ZCCHC2: variants seen among roughly 807,000 people sequenced by gnomAD.
The protein encoded by ZCCHC2 is zinc finger CCHC domain-containing protein 2.
In ZCCHC2, 39 loss-of-function variants were observed where a neutral mutation model predicts 103.6. The ratio of observed to expected loss-of-function variants is 0.38; its 90% confidence interval spans 0.29 to 0.49. The LOEUF is 0.49. ZCCHC2 is among the 20% of genes least tolerant of loss of function. ZCCHC2 has a pLI of 0.96. For synonymous variants in ZCCHC2, 687 were observed against 608.9 expected, an observed-to-expected ratio of 1.13 and a Z score of -1.89; for missense variants, 1,483 against 1,491.0, an observed-to-expected ratio of 0.99 and a Z score of 0.09.
chr18:62,529,370 C>T (rs962753233), intron 1 of ZCCHC2, among the ~76,000 whole-genome samples: 6 of 152,086 alleles, frequency 3.9e-5, no homozygotes, highest in African/African-American at 1.4e-4. Flanking sequence ...GAGTCCTTAA[C>T]TTGTAGCATA....
At chr18:62,560,557 T>C in intron 7 of ZCCHC2, 30 bp from the exon 8 acceptor site, 1 of 1,599,502 alleles carries the variant, frequency 6.3e-7, no homozygotes, top group Non-Finnish European at 8.6e-7. Flanking sequence ...CAGCATTTAG[T>C]GTAATAAGTT....
Position 62,577,575 on chromosome 18 carries a change from A to C in ZCCHC2, c.*996A>C, listed in dbSNP as rs145285230. ...GGTTTATTGCAATCTGAACAGAGCTATGGGTTTCTACCATAAGTCAGGTTG... is the reference window on the plus strand; with the variant it reads ...GGTTTATTGCAATCTGAACAGAGCTCTGGGTTTCTACCATAAGTCAGGTTG... On this transcript the variant is annotated 3_prime_UTR_variant, in exon 14 of 14. Coordinates refer to ENST00000269499, the MANE Select transcript of ZCCHC2 (RefSeq NM_017742.6). 136 of 152,724 alleles carry C rather than the reference A, an allele frequency of 8.9e-4. No individual in the cohort carries two copies. The highest frequency in any genetic ancestry group is 3.2e-3 in the African/African-American group (132 of 41,550). 9.5% of individuals were successfully genotyped at this position (152,724 alleles called of 1,614,324 possible).
chr18:62,530,641 T>C (rs1369002800), intron 1 of ZCCHC2, among the ~76,000 whole-genome samples: 1 of 152,196 alleles, frequency 6.6e-6, no homozygotes, highest in Admixed American at 6.5e-5. Context: ...TTGAGCCACA[T>C]TTATTTGGAG....
At chr18:62,559,461 T>C (rs1020101025) in intron 7 of ZCCHC2, among the ~76,000 whole-genome samples, 5 of 152,196 alleles carry the variant, frequency 3.3e-5, no homozygotes, top group Admixed American at 2.6e-4. Flanking sequence ...ACTCAGCAGA[T>C]TGACAAAACA....
At chr18:62,543,282 CT>C (rs1018879754) in intron 3 of ZCCHC2, among the ~76,000 whole-genome samples, 5 of 152,122 alleles carry the variant, frequency 3.3e-5, no homozygotes, top group Admixed American at 6.6e-5. Context: ...ATTTCTGACC[CT>C]CCACTAGAAT....
At chr18:62,565,423 C>T (rs1214524110) in intron 11 of ZCCHC2, among the ~76,000 whole-genome samples, 2 of 152,138 alleles carry the variant, frequency 1.3e-5, no homozygotes. Flanking sequence ...GGAGATCTCT[C>T]CTGTGGCTTT....
intron 1 of ZCCHC2, chr18:62,524,571 A>T: frequency 1.5e-6 from 1 of 675,900 alleles, no homozygotes; most frequent in Non-Finnish European, 2.2e-6. Context: ...ACACCCCGGC[A>T]GACACAGCCA....
In ZCCHC2 at chr18:62,532,047, G is replaced by A. The variant is rs375449007; in HGVS notation, c.940-7634G>A. ...AGAGATAGTAGGGTTGGGTTATAATGAGGGCCTTGAAGGTCATGTTAAAAT... is the reference window on the plus strand; with the variant it reads ...AGAGATAGTAGGGTTGGGTTATAATAAGGGCCTTGAAGGTCATGTTAAAAT... On this transcript the variant is annotated intron_variant, in intron 1 of 13. Transcript: ENST00000269499. 4.1e-4 allele frequency among the ~76,000 whole-genome samples: 63 copies of A among 152,308 alleles called. 2 individuals carry two copies. In the South Asian group the frequency reaches 0.011, roughly 26 times the overall value.
At chr18:62,563,233 C>T in intron 9 of ZCCHC2, 89 bp downstream of exon 9, 6 of 1,446,822 alleles carry the variant, frequency 4.1e-6, no homozygotes, top group Non-Finnish European at 5.6e-6. Context: ...TTCAGTCAGA[C>T]AGTATATCTG....
downstream of ZCCHC2, among the ~76,000 whole-genome samples, chr18:62,583,018 C>T (rs764684140): frequency 2.0e-5 from 3 of 152,152 alleles, no homozygotes; most frequent in Admixed American, 1.3e-4. Flanking sequence ...GCAGGAAGAT[C>T]GCTTGAGCCC....
downstream of ZCCHC2, among the ~76,000 whole-genome samples, chr18:62,580,551 G>A (rs1200449465): frequency 8.8e-5 from 12 of 135,784 alleles, 1 homozygote; most frequent in Admixed American, 8.2e-4. Flanking sequence ...CTCCCGAGAC[G>A]GTGTCACAGT....
chr18:62,546,349 G>A (rs1915407391), intron 4 of ZCCHC2, among the ~76,000 whole-genome samples: 1 of 152,184 alleles, frequency 6.6e-6, no homozygotes, highest in Non-Finnish European at 1.5e-5. Flanking sequence ...TACAGAGGAG[G>A]CTAAGCAGGG....
chr18:62,536,838 C>T (rs1434812075), intron 1 of ZCCHC2, among the ~76,000 whole-genome samples: 3 of 152,152 alleles, frequency 2.0e-5, no homozygotes, highest in African/African-American at 7.2e-5. Context: ...GGTTATTAAA[C>T]AGGAGGTTAC....
At chr18:62,558,036 G>A (rs1915967284) in intron 6 of ZCCHC2, among the ~76,000 whole-genome samples, 1 of 149,988 alleles carries the variant, frequency 6.7e-6, no homozygotes, top group African/African-American at 2.5e-5. Flanking sequence ...TTTTTTAATT[G>A]ATAGCTTTAT....
At chr18:62,560,412 CAG>C in intron 7 of ZCCHC2, 173 bp from the exon 8 acceptor site, 1 of 442,738 alleles carries the variant, frequency 2.3e-6, no homozygotes, top group Non-Finnish European at 4.0e-6. Flanking sequence ...AAAGGTAATT[CAG>C]AGTTTACTGT....
chr18:62,564,007 T>A (rs2145522873), intron 9 of ZCCHC2, among the ~76,000 whole-genome samples: 1 of 152,236 alleles, frequency 6.6e-6, no homozygotes, highest in East Asian at 1.9e-4. Flanking sequence ...GAAACTTCTC[T>A]CTAGAAAATT....
At chr18:62,552,747 G>C (rs1467336712) in intron 5 of ZCCHC2, among the ~76,000 whole-genome samples, 1 of 152,120 alleles carries the variant, frequency 6.6e-6, no homozygotes. Context: ...TTAATTAGCT[G>C]GGTGTGGTGG....
intron 12 of ZCCHC2, among the ~76,000 whole-genome samples, chr18:62,573,371 T>A (rs985949933): frequency 3.3e-5 from 5 of 152,184 alleles, no homozygotes; most frequent in African/African-American, 1.2e-4. Context: ...GTAAGACTGA[T>A]GCAGGAGTAG....
At chr18:62,531,938 G>A (rs371419466) in intron 1 of ZCCHC2, among the ~76,000 whole-genome samples, 13 of 152,278 alleles carry the variant, frequency 8.5e-5, no homozygotes, top group Admixed American at 5.9e-4. Flanking sequence ...GAGCTGTGGT[G>A]GTACCACTGC....
Sources: gnomAD v4.1 joint callset for allele counts (sites outside exome capture counted in the v4.1 genomes callset) on GRCh38, gnomAD v4.1.1 for gene constraint, MANE v1.5 for transcripts, NCBI Gene and HGNC (gene_info 2026-07-23, HGNC 2026-07-21) for gene names.